The following CELF2 variants were observed in gnomAD, a reference collection of about 807,000 sequenced individuals.
The protein encoded by CELF2 is CUG triplet repeat RNA-binding protein 2.
CELF2 carries 8 observed loss-of-function variants against 62.6 expected under a neutral mutation model. The observed-to-expected ratio is 0.13, with a 90% confidence interval of 0.07 to 0.23. The LOEUF (loss-of-function observed/expected upper bound fraction) is 0.23, where lower values mean the gene tolerates loss of function less well. Ranked by LOEUF, CELF2 falls within the 10% of genes least tolerant of loss-of-function variation. The probability of loss-of-function intolerance (pLI) is 1.00; values close to 1 mark genes in which losing one functional copy is unlikely to be tolerated. For synonymous variants in CELF2, 258 were observed against 250.0 expected (o/e 1.03, Z -0.30); for missense variants, 333 against 671.0 (o/e 0.50, Z 5.56).
chr10:11,202,817 TCCTATAAA>T (rs1303342193), intron 2 of CELF2, among the ~76,000 whole-genome samples: 1 of 152,050 alleles, frequency 6.6e-6, no homozygotes, highest in Non-Finnish European at 1.5e-5. Context: ...AGAGGCTTTA[TCCTATAAA>T]CCATCTCGTT....
At chr10:10,975,716 A>G (rs2051253354) in intron 2 of CELF2, among the ~76,000 whole-genome samples, 1 of 152,252 alleles carries the variant, frequency 6.6e-6, no homozygotes, top group African/African-American at 2.4e-5. Flanking sequence ...TGGAAGGCAG[A>G]TGCTGATGAT....
At position 11,268,920 on chromosome 10, in the gene CELF2, G is replaced by T. The variant is rs1260904226; in HGVS notation, c.619-1746G>T. Among the ~76,000 whole-genome samples the T allele has an allele frequency of 1.3e-5, 2 of 151,952 alleles. No individual in the cohort carries two copies. Among genetic ancestry groups the T allele is most frequent in the Non-Finnish European group, 2.9e-5 (2 of 68,002 alleles). On this transcript the variant is annotated intron_variant, in intron 6 of 12. Transcript: ENST00000633077. This position sits in a 1 kb window ranked among gnomAD's most constrained non-coding sequence, Gnocchi z 4.7. ...TATCGTGCCTTCTGTTTCTCCACTT[G>T]CCTTCACTCTATCCCTGCCCTGTGT...
the CELF2 span, among the ~76,000 whole-genome samples, chr10:10,767,419 C>G: frequency 6.6e-6 from 1 of 152,096 alleles, no homozygotes; most frequent in Non-Finnish European, 1.5e-5. Flanking sequence ...GAGCCTGATA[C>G]CAATGCTCTC....
At chr10:11,083,356 G>A (rs2074539388) in intron 1 of CELF2, among the ~76,000 whole-genome samples, 1 of 152,166 alleles carries the variant, frequency 6.6e-6, no homozygotes, top group Non-Finnish European at 1.5e-5. Flanking sequence ...GGGGCTTCTA[G>A]GAAGGAACCC....
the CELF2 span, among the ~76,000 whole-genome samples, chr10:10,774,625 T>C: frequency 2.5e-3 from 380 of 152,276 alleles, 2 homozygotes; most frequent in African/African-American, 8.6e-3. Context: ...CATGGCCTCC[T>C]CAGAAGCCAA....
At chr10:10,819,293 T>C (rs2056759265) in intron 1 of CELF2, among the ~76,000 whole-genome samples, 1 of 152,164 alleles carries the variant, frequency 6.6e-6, no homozygotes, top group Admixed American at 6.5e-5. Context: ...GAGATACTGA[T>C]GTTGATCGAA....
chr10:10,496,899 A>G, the CELF2 span, among the ~76,000 whole-genome samples: 1 of 152,090 alleles, frequency 6.6e-6, no homozygotes, highest in African/African-American at 2.4e-5. Context: ...TAATAAAAAC[A>G]AGATGACCAG....
chr10:11,134,830 G>A (rs1464574768), intron 1 of CELF2, among the ~76,000 whole-genome samples: 1 of 152,176 alleles, frequency 6.6e-6, no homozygotes, highest in Non-Finnish European at 1.5e-5. Flanking sequence ...GATAGGAAGT[G>A]GCAGGGAAAT....
At chr10:10,486,555 G>T in the CELF2 span, among the ~76,000 whole-genome samples, 1 of 152,004 alleles carries the variant, frequency 6.6e-6, no homozygotes, top group Non-Finnish European at 1.5e-5. Flanking sequence ...CAGATTTTTG[G>T]CCTTTTATTA....
chr10:10,657,918 T>C, the CELF2 span, among the ~76,000 whole-genome samples: 3 of 152,360 alleles, frequency 2.0e-5, no homozygotes, highest in South Asian at 6.2e-4. Context: ...TATTAAGGCT[T>C]GCTTTGCCCT....
intron 2 of CELF2, among the ~76,000 whole-genome samples, chr10:11,190,254 C>T (rs1329968537): frequency 6.6e-6 from 1 of 152,150 alleles, no homozygotes; most frequent in East Asian, 1.9e-4. Flanking sequence ...TCCATACATG[C>T]CCATTCAGTA....
chr10:10,930,520 T>A (rs907351441), intron 2 of CELF2, among the ~76,000 whole-genome samples: 1 of 152,238 alleles, frequency 6.6e-6, no homozygotes, highest in Non-Finnish European at 1.5e-5. Flanking sequence ...TGAGAGCTTT[T>A]GTGCAGTAGT....
intron 1 of CELF2, among the ~76,000 whole-genome samples, chr10:11,038,450 T>C (rs1564471917): frequency 6.6e-6 from 1 of 152,218 alleles, no homozygotes; most frequent in Non-Finnish European, 1.5e-5. Flanking sequence ...TATTAAGTTA[T>C]TGATACAGGT....
At chr10:10,757,433 T>C in the CELF2 span, among the ~76,000 whole-genome samples, 1 of 152,140 alleles carries the variant, frequency 6.6e-6, no homozygotes, top group Non-Finnish European at 1.5e-5. Flanking sequence ...ACTGTCTCTG[T>C]CTCTTAAAAC....
chr10:10,568,883 A>G, the CELF2 span, among the ~76,000 whole-genome samples: 1 of 152,152 alleles, frequency 6.6e-6, no homozygotes, highest in Non-Finnish European at 1.5e-5. Flanking sequence ...ATTGGAGCCT[A>G]TGGCCATAAA....
intron 2 of CELF2, among the ~76,000 whole-genome samples, chr10:11,215,500 TA>T (rs1476168709): frequency 2.0e-5 from 3 of 152,258 alleles, no homozygotes; most frequent in African/African-American, 4.8e-5. Context: ...TAATTTCCTT[TA>T]TTTCAGCCAG....
At chr10:10,732,575 G>A in the CELF2 span, among the ~76,000 whole-genome samples, 2 of 145,990 alleles carry the variant, frequency 1.4e-5, no homozygotes, top group Non-Finnish European at 3.0e-5. Context: ...CCAGGCTGGA[G>A]TGCAGTGGTA....
rs375795048 is a variant in CELF2, at chr10:11,275,147, T to G, written c.841+27T>G. 69 of 1,611,586 alleles carry G rather than the reference T, an allele frequency of 4.3e-5. No individual in the cohort carries two copies. In the African/African-American group the frequency reaches 8.3e-4, roughly 19 times the overall value. Reference sequence around the variant, plus strand: ...TAAGTCAGGAAGCACGCCTCTCCTTTTGACCGTGCTATTGTCAGAATTTGG... The same window carrying G: ...TAAGTCAGGAAGCACGCCTCTCCTTGTGACCGTGCTATTGTCAGAATTTGG... On this transcript the variant is annotated intron_variant, in intron 8 of 12. Transcript: ENST00000633077.
chr10:11,071,081 T>C (rs984538591), intron 1 of CELF2, among the ~76,000 whole-genome samples: 1 of 152,238 alleles, frequency 6.6e-6, no homozygotes, highest in African/African-American at 2.4e-5. Flanking sequence ...AGTGATCCTA[T>C]TTATTTTAAT....
Sources: gnomAD v4.1 joint callset for allele counts (sites outside exome capture counted in the v4.1 genomes callset) on GRCh38, gnomAD v4.1.1 for gene constraint, Gnocchi (gnomAD v3.1) non-coding constraint, MANE v1.5 for transcripts, NCBI Gene and HGNC (gene_info 2026-07-23, HGNC 2026-07-21) for gene names.